DUSP29: variants seen among roughly 807,000 people sequenced by gnomAD.
DUSP29 encodes atypical dual-specific protein phosphatase.
In DUSP29, 12 loss-of-function variants were observed where a neutral mutation model predicts 13.5. That is an observed-to-expected ratio of 0.89 (90% confidence interval 0.57 to 1.44). DUSP29 has a LOEUF of 1.44. Among genes scored for constraint, DUSP29 ranks in the 40% most tolerant of loss-of-function variants. The probability of loss-of-function intolerance (pLI) is 0.00; values close to 1 mark genes in which losing one functional copy is unlikely to be tolerated. For synonymous variants in DUSP29, 134 were observed against 128.7 expected (o/e 1.04, Z -0.28); for missense variants, 308 against 301.1 (o/e 1.02, Z -0.17).
intron 1 of DUSP29, among the ~76,000 whole-genome samples, chr10:75,061,681 G>T (rs540191767): frequency 2.6e-5 from 4 of 152,202 alleles, no homozygotes; most frequent in African/African-American, 9.7e-5. Flanking sequence ...CTGTCCCAGT[G>T]GGGTGGGAGG....
At chr10:75,059,549 A>T (rs961736535) in intron 1 of DUSP29, among the ~76,000 whole-genome samples, 2 of 152,168 alleles carry the variant, frequency 1.3e-5, no homozygotes, top group African/African-American at 2.4e-5. Context: ...AATCTTAACA[A>T]CACTGAGATA....
intron 1 of DUSP29, among the ~76,000 whole-genome samples, chr10:75,069,588 C>T (rs192598113): frequency 1.3e-5 from 2 of 152,348 alleles, no homozygotes; most frequent in Non-Finnish European, 2.9e-5. Context: ...AGATGCTACA[C>T]AGAGGACGCT....
intron 2 of DUSP29, among the ~76,000 whole-genome samples, chr10:75,056,338 G>T (rs1232818017): frequency 6.6e-6 from 1 of 152,018 alleles, no homozygotes; most frequent in Non-Finnish European, 1.5e-5. Context: ...GACCAGCCTG[G>T]CCAACACAGT....
intron 1 of DUSP29, among the ~76,000 whole-genome samples, chr10:75,067,255 C>G (rs750789129): frequency 6.6e-6 from 1 of 152,196 alleles, no homozygotes; most frequent in East Asian, 1.9e-4. Flanking sequence ...CCACTGCACC[C>G]GGCCTGAATT....
intron 1 of DUSP29, among the ~76,000 whole-genome samples, chr10:75,069,998 C>T (rs1024617540): frequency 1.3e-5 from 2 of 149,652 alleles, no homozygotes; most frequent in Admixed American, 1.3e-4. Flanking sequence ...TGCTGTGAGC[C>T]AAGATCATGC....
chr10:75,041,322 C>G (rs185100515), intron 3 of DUSP29, among the ~76,000 whole-genome samples: 80 of 152,266 alleles, frequency 5.3e-4, no homozygotes, highest in Admixed American at 8.5e-4. Flanking sequence ...TTTAGTCTGT[C>G]CTTTGCAGCA....
At chr10:75,053,391 A>G (rs1292347567) in intron 2 of DUSP29, among the ~76,000 whole-genome samples, 3 of 152,256 alleles carry the variant, frequency 2.0e-5, no homozygotes. Context: ...TCTCAGATCC[A>G]TAATAGCACC....
chr10:75,070,070 AAAGGAAGG>A (rs71024533), intron 1 of DUSP29, among the ~76,000 whole-genome samples: 14,372 of 105,074 alleles, frequency 0.14, 1,457 homozygotes, highest in Non-Finnish European at 0.17. Flanking sequence ...AAGAAAGAAG[AAAGGAAGG>A]AAGGAAGGAA....
intron 1 of DUSP29, among the ~76,000 whole-genome samples, chr10:75,060,354 C>A (rs1048364421): frequency 2.4e-4 from 36 of 151,702 alleles, no homozygotes; most frequent in African/African-American, 8.5e-4. Flanking sequence ...CCTGTAGTCC[C>A]AGCTACTCAG....
intron 2 of DUSP29, among the ~76,000 whole-genome samples, chr10:75,045,742 A>G (rs1038696202): frequency 2.0e-5 from 3 of 152,256 alleles, no homozygotes; most frequent in Non-Finnish European, 2.9e-5. Flanking sequence ...CGCCATAGGA[A>G]GGAGTATTAT....
chr10:75,040,177 A>G (rs1212797854), intron 3 of DUSP29, among the ~76,000 whole-genome samples: 1 of 152,180 alleles, frequency 6.6e-6, no homozygotes, highest in East Asian at 1.9e-4. Flanking sequence ...TTCCGTCTCA[A>G]AAAAACAAAA....
chr10:75,064,328 T>C (rs1298548040), intron 1 of DUSP29, among the ~76,000 whole-genome samples: 2 of 152,034 alleles, frequency 1.3e-5, no homozygotes, highest in Non-Finnish European at 1.5e-5. Context: ...GCCAACATGG[T>C]GAAACCCCGT....
At chr10:75,072,165 A>G (rs904768603) in intron 1 of DUSP29, among the ~76,000 whole-genome samples, 1 of 152,326 alleles carries the variant, frequency 6.6e-6, no homozygotes, top group African/African-American at 2.4e-5. Flanking sequence ...AAACCCCAGG[A>G]TACAGAAATC....
chr10:75,071,085 C>T lies in DUSP29; in HGVS notation c.-35+2484G>A, dbSNP rs1176872062. ...AGGCCTCTACCCCAATGAGAGGCAC[C>T]AGAGCAAAGGGGCTACACCCCGAAA... On this transcript the variant is annotated intron_variant, in intron 1 of 3. Coordinates refer to ENST00000338487, the MANE Select transcript of DUSP29 (RefSeq NM_001003892.3). Among the ~76,000 whole-genome samples, 5 of 152,200 alleles carry T rather than the reference C, an allele frequency of 3.3e-5. No homozygotes were observed. In the East Asian group the frequency reaches 7.7e-4, roughly 23 times the overall value.
chr10:75,059,304 T>C (rs556956728), intron 1 of DUSP29, among the ~76,000 whole-genome samples: 6 of 152,226 alleles, frequency 3.9e-5, no homozygotes, highest in Admixed American at 1.3e-4. Flanking sequence ...GGACTTTCCA[T>C]TGTCCCCAAG....
intron 2 of DUSP29, 115 bp from the exon 3 acceptor site, chr10:75,044,132 T>G: frequency 1.0e-6 from 1 of 993,814 alleles, no homozygotes; most frequent in Non-Finnish European, 1.5e-6. Context: ...GAGGACTAGT[T>G]ATTGCAAATG....
chr10:75,070,933 G>A (rs1036121664), intron 1 of DUSP29, among the ~76,000 whole-genome samples: 6 of 152,230 alleles, frequency 3.9e-5, no homozygotes, highest in African/African-American at 1.2e-4. Flanking sequence ...AAATCAGGCC[G>A]AAGAGGACAA....
intron 3 of DUSP29, 82 bp downstream of exon 3, chr10:75,043,715 G>GGGGC: frequency 7.8e-7 from 1 of 1,287,802 alleles, no homozygotes; most frequent in Non-Finnish European, 1.1e-6. Context: ...GGGCGGGGAA[G>GGGGC]GGGCGGGGCC....
At chr10:75,067,353 C>T (rs1490490080) in intron 1 of DUSP29, among the ~76,000 whole-genome samples, 1 of 152,154 alleles carries the variant, frequency 6.6e-6, no homozygotes, top group Non-Finnish European at 1.5e-5. Flanking sequence ...GTAAATCCAC[C>T]TCGGAGTAGG....
Sources: gnomAD v4.1 joint callset for allele counts (sites outside exome capture counted in the v4.1 genomes callset) on GRCh38, gnomAD v4.1.1 for gene constraint, MANE v1.5 for transcripts, NCBI Gene and HGNC (gene_info 2026-07-23, HGNC 2026-07-21) for gene names.